ILDR1: variants seen among roughly 807,000 people sequenced by gnomAD.
The protein encoded by ILDR1 is immunoglobulin like domain containing receptor 1.
Under a neutral mutation model 62.4 loss-of-function variants are expected in ILDR1, and 56 were observed. The observed-to-expected ratio is 0.90, with a 90% CI of 0.72 to 1.12. ILDR1 has a LOEUF of 1.12. ILDR1 is among the 50% of genes most tolerant of loss of function. ILDR1 has a pLI of 0.00. For synonymous variants in ILDR1, 284 were observed against 277.8 expected (o/e 1.02, Z -0.22); for missense variants, 736 against 710.6 (o/e 1.04, Z -0.41).
chr3:122,046,555 C>T, the ILDR1 span, among the ~76,000 whole-genome samples: 1 of 147,360 alleles, frequency 6.8e-6, no homozygotes, highest in East Asian at 2.0e-4. Context: ...TTCAGGTACA[C>T]CAATCAGACG....
At chr3:122,005,471 C>T in intron 2 of ILDR1, 78 bp from the exon 3 acceptor site, 3 of 1,518,092 alleles carry the variant, frequency 2.0e-6, no homozygotes, top group Non-Finnish European at 1.8e-6. Flanking sequence ...CTGCTCCGGG[C>T]GTGAGACACA....
intron 1 of ILDR1, among the ~76,000 whole-genome samples, chr3:122,009,216 C>A (rs1178765013): frequency 6.6e-6 from 1 of 152,094 alleles, no homozygotes; most frequent in African/African-American, 2.4e-5. Flanking sequence ...TAGGCGTGAG[C>A]CACTGCACAC....
At chr3:122,022,784 G>A (rs530792398), upstream of ILDR1, among the ~76,000 whole-genome samples, 18 of 152,184 alleles carry the variant, frequency 1.2e-4, no homozygotes, top group African/African-American at 4.3e-4. Flanking sequence ...GTGGTGGCAC[G>A]CCCCTGAAAT....
chr3:122,010,543 A>G (rs554377887), intron 1 of ILDR1, among the ~76,000 whole-genome samples: 7 of 152,346 alleles, frequency 4.6e-5, no homozygotes, highest in African/African-American at 1.7e-4. Flanking sequence ...TCTCAAGCCT[A>G]ACATGGCTTT....
rs140777020 is a variant in ILDR1 at position 121,993,504 on chromosome 3, C to A, written c.1245G>T (p.Trp415Cys). 2.5e-6 allele frequency: 4 copies of A among 1,614,244 alleles called. No individual in the cohort carries two copies. The highest frequency in any genetic ancestry group is 3.4e-6 in the Non-Finnish European group (4 of 1,180,032). The change falls in exon 7 of 8, where the codon TGG becomes TGT. Residue 415 changes from tryptophan (W) to cysteine (C), a missense_variant. Coordinates refer to ENST00000344209, the MANE Select transcript of ILDR1 (RefSeq NM_001199799.2). ...CATCGCTTAGGCTGTCCCTGTCTGA[C>A]CAGTGTATGGGTGACCCATTCAGCC... The part of the protein sequence containing the change: ...SSRLNGSPIH[W>C]SDRDSLSDVP...
intron 1 of ILDR1, among the ~76,000 whole-genome samples, chr3:122,014,412 A>G (rs2071749853): frequency 6.6e-6 from 1 of 152,154 alleles, no homozygotes; most frequent in African/African-American, 2.4e-5. Context: ...GATATATTGT[A>G]TATCAGTATA....
the ILDR1 span, among the ~76,000 whole-genome samples, chr3:122,045,559 C>T: frequency 6.7e-6 from 1 of 149,428 alleles, no homozygotes; most frequent in Non-Finnish European, 1.5e-5. Flanking sequence ...GTCTAAGTCT[C>T]TTTGTAGGTC....
the ILDR1 span, among the ~76,000 whole-genome samples, chr3:122,029,991 CA>C: frequency 6.6e-6 from 1 of 151,972 alleles, no homozygotes; most frequent in Admixed American, 6.5e-5. Context: ...AGGAAGATGT[CA>C]GGCTCCCTTA....
chr3:122,036,438 A>C, the ILDR1 span, among the ~76,000 whole-genome samples: 63 of 152,112 alleles, frequency 4.1e-4, no homozygotes, highest in African/African-American at 1.4e-3. Flanking sequence ...AAATACAAAA[A>C]ATTAGCCAGG....
intron 5 of ILDR1, among the ~76,000 whole-genome samples, chr3:121,995,752 T>C (rs2071426915): frequency 6.6e-6 from 1 of 152,150 alleles, no homozygotes; most frequent in Admixed American, 6.5e-5. Flanking sequence ...ACACACATAC[T>C]GGAATGCCCA....
intron 1 of ILDR1, among the ~76,000 whole-genome samples, chr3:122,018,700 A>G (rs2107679724): frequency 6.6e-6 from 1 of 152,160 alleles, no homozygotes; most frequent in Admixed American, 6.5e-5. Flanking sequence ...TATCTGTAAA[A>G]CTGGCTGGGA....
chr3:122,046,992 G>A, the ILDR1 span, among the ~76,000 whole-genome samples: 9 of 145,622 alleles, frequency 6.2e-5, no homozygotes, highest in Non-Finnish European at 1.1e-4. Flanking sequence ...GAGGAGAGGC[G>A]CTCTGCATTT....
At chr3:122,028,532 T>A in the ILDR1 span, among the ~76,000 whole-genome samples, 1 of 152,196 alleles carries the variant, frequency 6.6e-6, no homozygotes, top group South Asian at 2.1e-4. Flanking sequence ...AAAAGATATT[T>A]GCTGTGCATG....
Position 122,001,427 on chromosome 3 carries a change from A to T in ILDR1, c.527T>A (p.Leu176Gln). The part of the protein sequence containing the change: ...LHWLTVIFII[L>Q]GALLLLLLIG... ...CAGCAGCAGGAGGAGGAGGGCTCCC[A>T]GGATGATGAAGATCACTGTCAGCCA... The change falls in exon 5 of 8, where the codon CTG becomes CAG. Residue 176 changes from leucine to glutamine, a missense_variant. Transcript: ENST00000344209. 8 of 1,614,166 alleles carry T rather than the reference A, an allele frequency of 5.0e-6. No homozygotes were observed. Among genetic ancestry groups the T allele is most frequent in the Non-Finnish European group, 5.9e-6 (7 of 1,180,016 alleles).
chr3:122,006,398 C>T (rs976230802), intron 2 of ILDR1, among the ~76,000 whole-genome samples: 4 of 152,144 alleles, frequency 2.6e-5, no homozygotes, highest in Admixed American at 6.5e-5. Context: ...AACCCATATG[C>T]CTGGGGCAGT....
chr3:122,045,609 G>C, the ILDR1 span, among the ~76,000 whole-genome samples: 1 of 150,378 alleles, frequency 6.6e-6, no homozygotes, highest in Non-Finnish European at 1.5e-5. Context: ...CTCCTGTATT[G>C]GGTGCATATA....
chr3:122,055,553 A>C, the ILDR1 span: 1 of 1,560,152 alleles, frequency 6.4e-7, no homozygotes, highest in Admixed American at 1.7e-5. Context: ...TTGTGACTGC[A>C]GTGAAAGGCT....
In ILDR1 at chr3:121,993,826, C is replaced by G. The variant is rs1160103322; in HGVS notation, c.923G>C (p.Gly308Ala). Reference sequence around the variant, plus strand: ...CATGCTGCAGGGATGGCCAAATCTGCCTTTGAGGTCAGGGGGCAGAGGCTG... The same window carrying G: ...CATGCTGCAGGGATGGCCAAATCTGGCTTTGAGGTCAGGGGGCAGAGGCTG... ...LAQPLPPDLK[G>A]RFGHPCSMLS... The change falls in exon 7 of 8, where the codon GGC (glycine) becomes GCC (alanine). Residue 308 changes from glycine to alanine, a missense_variant. Coordinates refer to ENST00000344209, the MANE Select transcript of ILDR1 (RefSeq NM_001199799.2). 1 of 1,614,012 alleles carries G rather than the reference C, an allele frequency of 6.2e-7. No individual in the cohort carries two copies. Among genetic ancestry groups the G allele is most frequent in the Non-Finnish European group, 8.5e-7 (1 of 1,180,036 alleles).
chr3:122,004,748 T>C (rs1390766629), intron 3 of ILDR1, among the ~76,000 whole-genome samples: 2 of 152,210 alleles, frequency 1.3e-5, no homozygotes, highest in African/African-American at 4.8e-5. Flanking sequence ...GCACTAGGAT[T>C]CTCACTTGGG....
Sources: gnomAD v4.1 joint callset for allele counts (sites outside exome capture counted in the v4.1 genomes callset) on GRCh38, gnomAD v4.1.1 for gene constraint, MANE v1.5 for transcripts, NCBI Gene and HGNC (gene_info 2026-07-23, HGNC 2026-07-21) for gene names.